Variants in CTNNA3 observed in about 807,000 individuals in gnomAD.
The protein encoded by CTNNA3 is catenin alpha 3.
Under a neutral mutation model 95.7 loss-of-function variants are expected in CTNNA3, and 76 were observed. The ratio of observed to expected loss-of-function variants is 0.79; its 90% CI spans 0.66 to 0.96. The LOEUF (loss-of-function observed/expected upper bound fraction) is 0.96, where lower values mean the gene tolerates loss of function less well. Ranked by LOEUF, CTNNA3 falls within the 40% of genes least tolerant of loss-of-function variation. CTNNA3 has a pLI of 0.00. For synonymous variants in CTNNA3, 431 were observed against 374.4 expected (o/e 1.15, Z -1.74); for missense variants, 1,191 against 1,089.8 (o/e 1.09, Z -1.31).
In CTNNA3 at chr10:67,750,230, C is replaced by T. The variant is rs1404003549; in HGVS notation, c.-2+13204G>A. On this transcript the variant is annotated intron_variant, in intron 1 of 17. Coordinates refer to the CTNNA3 transcript ENST00000684154. ...CCCACTGGAAGGAACCAACTCTGGACACAGCAGGACGTGAGACTTCTAGTG... is the reference window on the plus strand; with the variant it reads ...CCCACTGGAAGGAACCAACTCTGGATACAGCAGGACGTGAGACTTCTAGTG... The T allele has an allele frequency of 2.7e-6, 4 of 1,465,476 alleles. No homozygotes were observed. The African/African-American group carries it at 5.6e-5, about 20-fold the overall frequency. The allele number at this position is 1,465,476 out of a possible 1,614,324, so 90.8% of individuals were successfully genotyped here. A position where few individuals can be genotyped will look rare whatever the true frequency, so the allele number is the denominator to read the frequency against.
chr10:65,988,901 G>A (rs746818582), intron 15 of CTNNA3, 104 bp from the exon 16 acceptor site: 11 of 716,222 alleles, frequency 1.5e-5, no homozygotes, highest in Non-Finnish European at 1.9e-5. Context: ...CCATCCATCC[G>A]CATATGTAAA....
chr10:67,066,612 C>T (rs1244395565), intron 7 of CTNNA3, among the ~76,000 whole-genome samples: 3 of 149,128 alleles, frequency 2.0e-5, no homozygotes, highest in African/African-American at 7.5e-5. Flanking sequence ...ACAACCTCTG[C>T]AGCTACACTG....
chr10:67,068,534 A>G (rs1017658489), intron 7 of CTNNA3, among the ~76,000 whole-genome samples: 3 of 152,188 alleles, frequency 2.0e-5, no homozygotes, highest in Non-Finnish European at 4.4e-5. Context: ...AAAATCACAC[A>G]AAGAATTTTA....
intron 10 of CTNNA3, among the ~76,000 whole-genome samples, chr10:66,556,395 A>T (rs1427185794): frequency 1.3e-5 from 2 of 152,062 alleles, no homozygotes; most frequent in African/African-American, 4.8e-5. Flanking sequence ...CAGTATCGCG[A>T]AGAGATTTCT....
intron 7 of CTNNA3, among the ~76,000 whole-genome samples, chr10:66,859,230 C>A (rs900876965): frequency 6.6e-6 from 1 of 151,922 alleles, no homozygotes. Flanking sequence ...GAAAAGGCAA[C>A]CTACAAAATA....
intron 5 of CTNNA3, among the ~76,000 whole-genome samples, chr10:67,368,017 T>C (rs1404411975): frequency 6.6e-6 from 1 of 152,072 alleles, no homozygotes; most frequent in African/African-American, 2.4e-5. Context: ...AACCTGCGCA[T>C]GTACCCCTTG....
At chr10:66,995,831 T>C (rs1851298194) in intron 7 of CTNNA3, among the ~76,000 whole-genome samples, 1 of 152,184 alleles carries the variant, frequency 6.6e-6, no homozygotes, top group Non-Finnish European at 1.5e-5. Context: ...CTACAAACCT[T>C]CCTGAAATCC....
chr10:67,365,254 C>T (rs1433936223), intron 5 of CTNNA3, among the ~76,000 whole-genome samples: 1 of 152,108 alleles, frequency 6.6e-6, no homozygotes, highest in African/African-American at 2.4e-5. Context: ...AAATGTAAGA[C>T]CTAACACCAT....
At chr10:67,516,699 C>A (rs902335127) in intron 5 of CTNNA3, among the ~76,000 whole-genome samples, 1 of 152,060 alleles carries the variant, frequency 6.6e-6, no homozygotes, top group Non-Finnish European at 1.5e-5. Flanking sequence ...TTTATTAGGT[C>A]CCCAGAACTT....
intron 12 of CTNNA3, among the ~76,000 whole-genome samples, chr10:66,340,464 A>G (rs558920106): frequency 6.6e-5 from 10 of 151,792 alleles, no homozygotes; most frequent in Non-Finnish European, 1.2e-4. Context: ...ACTCCACTAG[A>G]CAGATAGTAT....
chr10:67,527,402 T>C (rs1840178995), intron 4 of CTNNA3, among the ~76,000 whole-genome samples: 1 of 152,178 alleles, frequency 6.6e-6, no homozygotes, highest in Admixed American at 6.5e-5. Context: ...TCCACATCAA[T>C]TTGCAAGGAA....
chr10:66,429,251 C>G (rs7392960), intron 11 of CTNNA3, among the ~76,000 whole-genome samples: 58,081 of 151,806 alleles, frequency 0.38, 11,674 homozygotes, highest in African/African-American at 0.5. Context: ...CTGAAATTGA[C>G]GCAATAATTA....
chr10:66,789,750 C>A (rs780561637), intron 7 of CTNNA3, among the ~76,000 whole-genome samples: 1 of 152,054 alleles, frequency 6.6e-6, no homozygotes, highest in African/African-American at 2.4e-5. Flanking sequence ...AGTAATGTGA[C>A]GTGGGGATAG....
At chr10:66,313,525 C>A (rs559256076) in intron 12 of CTNNA3, among the ~76,000 whole-genome samples, 1 of 152,276 alleles carries the variant, frequency 6.6e-6, no homozygotes, top group African/African-American at 2.4e-5. Flanking sequence ...TCTCTTCTCC[C>A]AGCTTGTACA....
intron 15 of CTNNA3, among the ~76,000 whole-genome samples, chr10:66,036,711 G>A (rs1026650423): frequency 3.9e-5 from 6 of 152,056 alleles, no homozygotes; most frequent in Admixed American, 2.0e-4. Context: ...GAGAACAACC[G>A]TTTTTACTAA....
At chr10:67,604,471 G>A (rs1259522901) in intron 3 of CTNNA3, among the ~76,000 whole-genome samples, 1 of 152,166 alleles carries the variant, frequency 6.6e-6, no homozygotes, top group Non-Finnish European at 1.5e-5. Context: ...GAAGTAAAAT[G>A]AGCATATTTT....
intron 5 of CTNNA3, among the ~76,000 whole-genome samples, chr10:67,398,432 T>C (rs1165683678): frequency 6.6e-6 from 1 of 152,230 alleles, no homozygotes; most frequent in Non-Finnish European, 1.5e-5. Flanking sequence ...TCAACACCTG[T>C]ACCCCCATTT....
At chr10:67,018,034 T>C (rs748000151) in intron 7 of CTNNA3, among the ~76,000 whole-genome samples, 9 of 152,006 alleles carry the variant, frequency 5.9e-5, no homozygotes, top group Non-Finnish European at 1.2e-4. Flanking sequence ...GGCCTCCCAA[T>C]GTGCTGGGAT....
At chr10:66,152,296 T>C (rs952012805) in intron 13 of CTNNA3, among the ~76,000 whole-genome samples, 1 of 151,762 alleles carries the variant, frequency 6.6e-6, no homozygotes, top group African/African-American at 2.4e-5. Flanking sequence ...TACCAGAAAA[T>C]AAAGATACAG....
Sources: allele counts gnomAD v4.1 joint callset (sites outside exome capture counted in the v4.1 genomes callset), GRCh38; gene constraint gnomAD v4.1.1; transcripts MANE v1.5; gene names NCBI Gene and HGNC (gene_info 2026-07-23, HGNC 2026-07-21).